GRIK4: variants seen among roughly 807,000 people sequenced by gnomAD.
GRIK4 encodes the protein glutamate receptor ionotropic, kainate 4.
In GRIK4, 40 loss-of-function variants were observed where a neutral mutation model predicts 104.9. The ratio of observed to expected loss-of-function variants is 0.38; its 90% CI spans 0.30 to 0.50. The LOEUF (loss-of-function observed/expected upper bound fraction) is 0.50, where lower values mean the gene tolerates loss of function less well. Among genes scored for constraint, GRIK4 ranks in the 20% least tolerant of loss-of-function variants. GRIK4 has a pLI of 0.93. For missense variants in GRIK4, 1,047 were observed against 1,308.1 expected (o/e 0.80, Z 3.08); for synonymous variants, 485 against 524.9 (o/e 0.92, Z 1.04).
intron 3 of GRIK4, among the ~76,000 whole-genome samples, chr11:120,730,595 C>A (rs983235687): frequency 6.6e-6 from 1 of 151,506 alleles, no homozygotes; most frequent in South Asian, 2.1e-4. Flanking sequence ...TTTCTATTTC[C>A]GTGAAGAATG....
At chr11:120,559,651 C>T (rs1591693988) in intron 1 of GRIK4, among the ~76,000 whole-genome samples, 1 of 152,244 alleles carries the variant, frequency 6.6e-6, no homozygotes, top group Non-Finnish European at 1.5e-5. Context: ...TTATAAACAC[C>T]AGCTACTACC....
At chr11:120,798,897 C>A (rs965597334) in intron 3 of GRIK4, among the ~76,000 whole-genome samples, 1 of 152,170 alleles carries the variant, frequency 6.6e-6, no homozygotes, top group Non-Finnish European at 1.5e-5. Flanking sequence ...GTTAGAACTT[C>A]AGTATATGAA....
intron 13 of GRIK4, among the ~76,000 whole-genome samples, chr11:120,917,272 A>AG (rs869152666): frequency 7.5e-6 from 1 of 133,926 alleles, no homozygotes; most frequent in Non-Finnish European, 1.6e-5. Flanking sequence ...AAAAAAAAAA[A>AG]GAAAGAAAGA....
chr11:120,811,552 T>C (rs990873515), intron 4 of GRIK4, among the ~76,000 whole-genome samples: 2 of 152,338 alleles, frequency 1.3e-5, no homozygotes, highest in Admixed American at 6.5e-5. Context: ...TCAGTTCCCG[T>C]AAGAGTGCTT....
chr11:120,802,944 C>T, intron 4 of GRIK4, 87 bp downstream of exon 4: 1 of 1,132,796 alleles, frequency 8.8e-7, no homozygotes. Flanking sequence ...AGTCACCAGG[C>T]CTCTGAGATA....
intron 3 of GRIK4, among the ~76,000 whole-genome samples, chr11:120,801,535 A>T (rs144337249): frequency 6.6e-6 from 1 of 152,200 alleles, no homozygotes; most frequent in African/African-American, 2.4e-5. Flanking sequence ...CACACTTAGC[A>T]TAATGTTTTT....
At chr11:120,805,637 T>G (rs1199571838) in intron 4 of GRIK4, among the ~76,000 whole-genome samples, 4 of 152,200 alleles carry the variant, frequency 2.6e-5, no homozygotes, top group Non-Finnish European at 4.4e-5. Flanking sequence ...CTTCTGGATC[T>G]TCCCACTCCA....
rs577969101 is a variant in GRIK4, at chr11:120,524,554, T to C, written c.-159+12667T>C. Among the ~76,000 whole-genome samples, 2 of 152,236 alleles carry C rather than the reference T, an allele frequency of 1.3e-5. No homozygotes were observed. Among genetic ancestry groups the C allele is most frequent in the East Asian group, 3.9e-4 (2 of 5,184 alleles). On this transcript the variant is annotated intron_variant, in intron 1 of 20. Coordinates refer to ENST00000527524, the MANE Select transcript of GRIK4 (RefSeq NM_014619.5). This position sits in a 1 kb window ranked among gnomAD's most constrained non-coding sequence, Gnocchi z 4.5. The stretch of plus-strand genomic sequence containing the variant: ...ACCTGGACCTTGGCTCCAGGCACTT[T>C]ACCCCCTCCTCGAACCCAGATGAGC...
intron 3 of GRIK4, among the ~76,000 whole-genome samples, chr11:120,799,583 A>G (rs1185150110): frequency 6.6e-6 from 1 of 152,240 alleles, no homozygotes; most frequent in Non-Finnish European, 1.5e-5. Context: ...GTCATGCTTC[A>G]AACCTGTGAG....
intron 11 of GRIK4, among the ~76,000 whole-genome samples, chr11:120,880,429 A>C (rs1425557136): frequency 6.6e-6 from 1 of 152,232 alleles, no homozygotes; most frequent in Non-Finnish European, 1.5e-5. Flanking sequence ...AGAGAGAAGA[A>C]GTCATGTATC....
intron 3 of GRIK4, among the ~76,000 whole-genome samples, chr11:120,693,601 A>G (rs915185586): frequency 6.6e-6 from 1 of 152,236 alleles, no homozygotes; most frequent in African/African-American, 2.4e-5. Context: ...AGAGAGGTAG[A>G]TAAGAAAGAC....
intron 1 of GRIK4, among the ~76,000 whole-genome samples, chr11:120,639,712 A>G (rs956967180): frequency 7.2e-5 from 11 of 152,060 alleles, no homozygotes; most frequent in Admixed American, 5.9e-4. Context: ...CCTCATGTCT[A>G]TCTGTCTCCA....
At chr11:120,567,767 T>C (rs1319319006) in intron 1 of GRIK4, among the ~76,000 whole-genome samples, 1 of 152,178 alleles carries the variant, frequency 6.6e-6, no homozygotes, top group Non-Finnish European at 1.5e-5. Context: ...GTATGGGATG[T>C]CAACAGGAGG....
At chr11:120,779,675 T>C (rs1308256321) in intron 3 of GRIK4, among the ~76,000 whole-genome samples, 1 of 152,184 alleles carries the variant, frequency 6.6e-6, no homozygotes, top group Non-Finnish European at 1.5e-5. Flanking sequence ...ATGCCCACCA[T>C]ATAAGGCAGA....
intron 14 of GRIK4, among the ~76,000 whole-genome samples, chr11:120,946,543 G>A (rs1488856243): frequency 1.3e-5 from 2 of 152,160 alleles, no homozygotes; most frequent in Admixed American, 6.5e-5. Context: ...TAAAAACTCA[G>A]TATTGACATC....
At chr11:120,779,398 G>A in intron 3 of GRIK4, among the ~76,000 whole-genome samples, 1 of 152,158 alleles carries the variant, frequency 6.6e-6, no homozygotes, top group East Asian at 1.9e-4. Context: ...CCTTTAAAGG[G>A]CAAGTACCCT....
At chr11:120,671,197 T>A (rs1331219544) in intron 3 of GRIK4, among the ~76,000 whole-genome samples, 1 of 152,246 alleles carries the variant, frequency 6.6e-6, no homozygotes, top group Non-Finnish European at 1.5e-5. Flanking sequence ...GACTGATTTA[T>A]AATCCTTTGG....
At position 120,612,467 on chromosome 11, in the gene GRIK4, T is replaced by G. The variant is rs148109330; in HGVS notation, c.-158-41218T>G. Among the ~76,000 whole-genome samples, 879 of 151,070 alleles carry G rather than the reference T, an allele frequency of 5.8e-3. 13 individuals carry two copies. Among genetic ancestry groups the G allele is most frequent in the African/African-American group, 0.02 (828 of 40,972 alleles). ...GGTAATTAATTACTGATTGATTTCCTTAAATTTTCTATCCTATTAAGACTT... is the reference window on the plus strand; with the variant it reads ...GGTAATTAATTACTGATTGATTTCCGTAAATTTTCTATCCTATTAAGACTT... On this transcript the variant is annotated intron_variant, in intron 1 of 20. Transcript: ENST00000527524.
intron 3 of GRIK4, among the ~76,000 whole-genome samples, chr11:120,676,075 T>TG (rs953101565): frequency 2.2e-4 from 34 of 152,156 alleles, no homozygotes; most frequent in African/African-American, 7.0e-4. Flanking sequence ...GGTTATAGGA[T>TG]GGGGGGCCCC....
Sources: gnomAD v4.1 joint callset for allele counts (sites outside exome capture counted in the v4.1 genomes callset) on GRCh38, gnomAD v4.1.1 for gene constraint, Gnocchi (gnomAD v3.1) non-coding constraint, MANE v1.5 for transcripts, NCBI Gene and HGNC (gene_info 2026-07-23, HGNC 2026-07-21) for gene names.